The following QRFPR variants were observed in gnomAD, a reference collection of about 807,000 sequenced individuals.
QRFPR encodes the protein pyroglutamylated RF-amide peptide receptor.
QRFPR carries 37 observed loss-of-function variants against 31.3 expected under a neutral mutation model. The ratio of observed to expected loss-of-function variants is 1.18; its 90% CI spans 0.91 to 1.56. QRFPR has a LOEUF of 1.56. Ranked by LOEUF, QRFPR falls within the 40% of genes most tolerant of loss-of-function variation. The pLI is 0.00. For synonymous variants in QRFPR, 197 were observed against 192.0 expected, an observed-to-expected ratio of 1.03 and a Z score of -0.22; for missense variants, 542 against 532.5, an observed-to-expected ratio of 1.02 and a Z score of -0.18.
At chr4:121,377,346 A>G (rs1726374588) in intron 1 of QRFPR, among the ~76,000 whole-genome samples, 1 of 150,824 alleles carries the variant, frequency 6.6e-6, no homozygotes, top group Non-Finnish European at 1.5e-5. Flanking sequence ...TGTGTTTCCT[A>G]CCTCACCCCT....
chr4:121,370,350 A>C, intron 1 of QRFPR: 1 of 751,404 alleles, frequency 1.3e-6, no homozygotes, highest in Non-Finnish European at 2.5e-6. Context: ...AGCCATTGAA[A>C]GGCTGAGATC....
intron 1 of QRFPR, among the ~76,000 whole-genome samples, chr4:121,354,464 A>G (rs1376213683): frequency 1.3e-5 from 2 of 151,490 alleles, no homozygotes; most frequent in African/African-American, 4.8e-5. Context: ...GAGTCTTTAG[A>G]TATTTTTTAA....
At chr4:121,365,326 C>T (rs149302232) in intron 1 of QRFPR, among the ~76,000 whole-genome samples, 1,814 of 141,534 alleles carry the variant, frequency 0.013, 88 homozygotes, top group Non-Finnish European at 0.02. Context: ...TGGTGGCAGG[C>T]GCCTGTAGTC....
chr4:121,329,245 C>A lies in QRFPR; in HGVS notation c.*69G>T. 2.5e-6 allele frequency: 3 copies of A among 1,214,968 alleles called. No homozygotes were observed. The highest frequency in any genetic ancestry group is 3.5e-6 in the Non-Finnish European group (3 of 869,052). 75.3% of individuals were successfully genotyped at this position (1,214,968 alleles called of 1,614,324 possible). ...CTTAAGAATAAAAAGAGTATTTGAC[C>A]TTTGCTCAAAATAATTTTCTCTTTG... On this transcript the variant is annotated 3_prime_UTR_variant, in exon 6 of 6. Transcript: ENST00000394427.
chr4:121,359,778 AGT>A (rs1320524504), intron 1 of QRFPR, among the ~76,000 whole-genome samples: 2 of 126,198 alleles, frequency 1.6e-5, no homozygotes, highest in South Asian at 5.2e-4. Flanking sequence ...TATATATAGG[AGT>A]GTGTGTGTGT....
chr4:121,333,746 T>G (rs1300402964), intron 3 of QRFPR, among the ~76,000 whole-genome samples: 1 of 152,140 alleles, frequency 6.6e-6, no homozygotes, highest in Non-Finnish European at 1.5e-5. Context: ...TAATAGAGAG[T>G]GCTTTAAGGG....
chr4:121,365,569 ATATAAT>A (rs2110481450), intron 1 of QRFPR, among the ~76,000 whole-genome samples: 3 of 2,630 alleles, frequency 1.1e-3, no homozygotes, highest in Admixed American at 9.8e-3. Context: ...TATATATTAT[ATATAAT>A]ATATATTATA....
intron 1 of QRFPR, among the ~76,000 whole-genome samples, chr4:121,359,600 G>C (rs1471143015): frequency 6.6e-6 from 1 of 151,830 alleles, no homozygotes; most frequent in African/African-American, 2.4e-5. Flanking sequence ...CCTTGTGATT[G>C]TGTAAGTTAA....
At chr4:121,359,838 A>G (rs1297531728) in intron 1 of QRFPR, among the ~76,000 whole-genome samples, 4 of 151,080 alleles carry the variant, frequency 2.6e-5, no homozygotes, top group African/African-American at 9.7e-5. Context: ...TCTCTCTCCT[A>G]TTAGTTCTGT....
chr4:121,351,893 C>A (rs1725767858), intron 1 of QRFPR, among the ~76,000 whole-genome samples: 1 of 147,492 alleles, frequency 6.8e-6, no homozygotes, highest in Non-Finnish European at 1.5e-5. Flanking sequence ...CAATATAATG[C>A]AAATCATTCA....
intron 3 of QRFPR, 57 bp from the exon 4 acceptor site, chr4:121,333,113 A>G (rs1246828003): frequency 2.6e-6 from 3 of 1,174,048 alleles, no homozygotes; most frequent in Non-Finnish European, 3.7e-6. Flanking sequence ...AAAAACAGAA[A>G]TCAGCCAAGT....
At chr4:121,351,370 T>C (rs1251953667) in intron 1 of QRFPR, among the ~76,000 whole-genome samples, 1 of 152,196 alleles carries the variant, frequency 6.6e-6, no homozygotes, top group East Asian at 1.9e-4. Context: ...TTTGTGTGTA[T>C]ATTCGCAGCA....
intron 1 of QRFPR, chr4:121,369,834 C>A (rs1352352945): frequency 2.8e-6 from 3 of 1,070,718 alleles, no homozygotes; most frequent in Non-Finnish European, 4.4e-6. Context: ...GTGGACAGGG[C>A]TGATGCAGGT....
chr4:121,368,880 C>T (rs1357936601), intron 1 of QRFPR, among the ~76,000 whole-genome samples: 4 of 133,698 alleles, frequency 3.0e-5, no homozygotes, highest in Non-Finnish European at 1.6e-5. Context: ...TAATGAGGTC[C>T]CCATACACCA....
chr4:121,352,452 C>G (rs914522935), intron 1 of QRFPR, among the ~76,000 whole-genome samples: 1 of 152,062 alleles, frequency 6.6e-6, no homozygotes, highest in Non-Finnish European at 1.5e-5. Flanking sequence ...TGTACTTTCT[C>G]AAGCCCTTCA....
chr4:121,368,180 T>C lies in QRFPR; in HGVS notation c.340+12128A>G, dbSNP rs191119799. ...GGATGAGGCTCATTTTGGTGAAAAA[T>C]GCTTTCATACAGAAAATTTTGAATT... On this transcript the variant is annotated intron_variant, in intron 1 of 5. Transcript: ENST00000394427. Among the ~76,000 whole-genome samples, 346 of 149,902 alleles carry C rather than the reference T, an allele frequency of 2.3e-3. 18 individuals are homozygous for C. The highest frequency in any genetic ancestry group is 4.4e-3 in the Non-Finnish European group (299 of 67,556).
intron 1 of QRFPR, among the ~76,000 whole-genome samples, chr4:121,372,285 A>T (rs1232647078): frequency 6.6e-6 from 1 of 152,182 alleles, no homozygotes; most frequent in African/African-American, 2.4e-5. Flanking sequence ...GTGCGTGATT[A>T]GTTCTATGGG....
intron 1 of QRFPR, among the ~76,000 whole-genome samples, chr4:121,343,737 A>G (rs1725591248): frequency 6.6e-6 from 1 of 152,186 alleles, no homozygotes; most frequent in Admixed American, 6.5e-5. Flanking sequence ...TTTATAAATA[A>G]TTTGGTTGAA....
At chr4:121,331,622 CATTATT>C (rs59488750) in intron 4 of QRFPR, among the ~76,000 whole-genome samples, 47,408 of 142,538 alleles carry the variant, frequency 0.33, 8,851 homozygotes, top group East Asian at 0.6. Context: ...CTCATTATCT[CATTATT>C]ATTATTATTA....
Sources: allele counts gnomAD v4.1 joint callset (sites outside exome capture counted in the v4.1 genomes callset), GRCh38; gene constraint gnomAD v4.1.1; transcripts MANE v1.5; gene names NCBI Gene and HGNC (gene_info 2026-07-23, HGNC 2026-07-21).